The following DRD2 variants were observed in gnomAD, a reference collection of about 807,000 sequenced individuals.
DRD2 encodes D(2) dopamine receptor.
A neutral mutation model predicts 38.0 loss-of-function variants in DRD2; 8 were observed. That is an observed-to-expected ratio of 0.21 (90% CI 0.12 to 0.38). The LOEUF (loss-of-function observed/expected upper bound fraction) is 0.38, where lower values mean the gene tolerates loss of function less well. Among genes scored for constraint, DRD2 ranks in the 10% least tolerant of loss-of-function variants. The probability of loss-of-function intolerance (pLI) is 1.00; values close to 1 mark genes in which losing one functional copy is unlikely to be tolerated. For missense variants in DRD2, 403 were observed against 607.7 expected (o/e 0.66, Z 3.54); for synonymous variants, 230 against 238.6 (o/e 0.96, Z 0.33).
In DRD2 at chr11:113,412,941, C is replaced by T. The variant is rs187498969; in HGVS notation, c.811-58G>A. 1.3e-4 allele frequency: 198 copies of T among 1,539,572 alleles called. 1 individual carries two copies. The highest frequency in any genetic ancestry group is 1.7e-4 in the Non-Finnish European group (190 of 1,141,272). On this transcript the variant is annotated intron_variant, in intron 6 of 7. Transcript: ENST00000362072. ...CGGACAAGTTCCCAGGCATCAGCCA[C>T]CCATCTCACTGGCCCCTCCCTTTCC... is the stretch of plus-strand genomic sequence containing the variant.
At chr11:113,417,244 T>C (rs1452399890) in intron 3 of DRD2, among the ~76,000 whole-genome samples, 1 of 152,220 alleles carries the variant, frequency 6.6e-6, no homozygotes, top group South Asian at 2.1e-4. Flanking sequence ...ATATCTATTA[T>C]TCTAACCGGC....
At position 113,412,825 on chromosome 11, in the gene DRD2, G is replaced by C. The variant is rs201131985; in HGVS notation, c.869C>G (p.Pro290Arg). Residue 290 changes from proline (P) to arginine (R), a missense_variant, in exon 7 of 8, where the codon CCC becomes CGC. Pro to Arg is a moderately radical substitution (Grantham distance 103). Transcript: ENST00000362072. The part of the protein sequence containing the change: ...EMEMLSSTSP[P>R]ERTRYSPIPP... ...GATGGGGCTGTACCGGGTCCTCTCG[G>C]GTGGGCTGGTGCTGGAGAGCATCTC... 1.9e-6 allele frequency: 3 copies of C among 1,613,278 alleles called. No homozygotes were observed. Among genetic ancestry groups the C allele is most frequent in the East Asian group, 2.2e-5 (1 of 44,848 alleles).
chr11:113,470,333 A>T (rs1283100448), intron 1 of DRD2, among the ~76,000 whole-genome samples: 1 of 152,216 alleles, frequency 6.6e-6, no homozygotes, highest in Non-Finnish European at 1.5e-5. Context: ...GCTCCCAGAC[A>T]TCTGCAGGGG....
intron 6 of DRD2, among the ~76,000 whole-genome samples, chr11:113,413,689 C>T (rs1031862391): frequency 2.6e-5 from 4 of 152,326 alleles, no homozygotes; most frequent in African/African-American, 7.2e-5. Flanking sequence ...ATTTTGTATG[C>T]GGCCCTCTGT....
At chr11:113,472,172 T>C (rs1338256981) in intron 1 of DRD2, among the ~76,000 whole-genome samples, 1 of 152,234 alleles carries the variant, frequency 6.6e-6, no homozygotes, top group Non-Finnish European at 1.5e-5. Context: ...TGCACGTGTA[T>C]GCAAACACAC....
In DRD2 at chr11:113,424,683, C is replaced by T. The variant is rs780447114; in HGVS notation, c.-31-1G>A. On this transcript the variant is annotated splice_acceptor_variant, in intron 1 of 7. Transcript: ENST00000362072. LOFTEE classifies it low-confidence loss of function (5UTR_SPLICE). Reference sequence around the variant, plus strand: ...GGTGGAGCCACTGGGTGGCCAGGCTCTGGCCAGGAAAAATGGACACAAGGT... The same window carrying T: ...GGTGGAGCCACTGGGTGGCCAGGCTTTGGCCAGGAAAAATGGACACAAGGT... The T allele has an allele frequency of 1.1e-5, 17 of 1,613,256 alleles. No homozygotes were observed. The highest frequency in any genetic ancestry group is 1.3e-5 in the African/African-American group (1 of 74,920).
chr11:113,461,535 G>C (rs1006018604), intron 1 of DRD2, among the ~76,000 whole-genome samples: 1 of 152,186 alleles, frequency 6.6e-6, no homozygotes, highest in Admixed American at 6.5e-5. Flanking sequence ...TGGTGGAGAT[G>C]AGGGATCCCC....
At chr11:113,429,287 C>G (rs143096974) in intron 1 of DRD2, among the ~76,000 whole-genome samples, 1 of 151,996 alleles carries the variant, frequency 6.6e-6, no homozygotes, top group African/African-American at 2.4e-5. Flanking sequence ...CTCTGTCACC[C>G]GGGCTGGAGT....
intron 5 of DRD2, 45 bp downstream of exon 5, chr11:113,415,376 G>A: frequency 1.9e-6 from 3 of 1,577,418 alleles, no homozygotes; most frequent in Non-Finnish European, 2.6e-6. Flanking sequence ...TCTTGGTAAT[G>A]GTTAGGTGGG....
intron 7 of DRD2, 43 bp downstream of exon 7, chr11:113,412,513 C>G: frequency 6.2e-7 from 1 of 1,604,884 alleles, no homozygotes; most frequent in Non-Finnish European, 8.5e-7. Context: ...GGAATGGGAC[C>G]TTTCACAGAC....
chr11:113,419,235 T>C (rs1340251387), intron 2 of DRD2, among the ~76,000 whole-genome samples: 1 of 152,126 alleles, frequency 6.6e-6, no homozygotes, highest in Non-Finnish European at 1.5e-5. Context: ...ATGGTGAAGA[T>C]GAAGACTCGC....
chr11:113,457,353 A>T (rs1951277116), intron 1 of DRD2, among the ~76,000 whole-genome samples: 1 of 152,136 alleles, frequency 6.6e-6, no homozygotes, highest in South Asian at 2.1e-4. Flanking sequence ...AGAAGGGGAG[A>T]TCTCAGCAAT....
chr11:113,442,789 C>T lies in DRD2; in HGVS notation c.-31-18107G>A, dbSNP rs75994371. 5.2e-4 allele frequency among the ~76,000 whole-genome samples: 79 copies of T among 152,270 alleles called. 2 individuals are homozygous for T. In the East Asian group the frequency reaches 0.015, roughly 29 times the overall value. On this transcript the variant is annotated intron_variant, in intron 1 of 7. Transcript: ENST00000362072. Reference sequence around the variant, plus strand: ...TGTCACAGATTGAAACAAAACATTCCATCTTCCTGGCATGAGGCAAATCGA... The same window carrying T: ...TGTCACAGATTGAAACAAAACATTCTATCTTCCTGGCATGAGGCAAATCGA...
At position 113,412,966 on chromosome 11, in the gene DRD2, C is replaced by A. The variant is rs1076560; in HGVS notation, c.811-83G>T. 0.17 allele frequency: 253,763 copies of A among 1,458,296 alleles called. 25,456 individuals are homozygous for A. The highest frequency in any genetic ancestry group is 0.4 in the East Asian group (16,049 of 40,552). 90.3% of individuals were successfully genotyped at this position (1,458,296 alleles called of 1,614,324 possible). A position where few individuals can be genotyped will look rare whatever the true frequency, so the allele number is the denominator to read the frequency against. On this transcript the variant is annotated intron_variant, in intron 6 of 7. Transcript: ENST00000362072. Reference sequence around the variant, plus strand: ...CCCATCTCACTGGCCCCTCCCTTTCCCCCTCTGAAGACTCCTGCAAACACC... The same window carrying A: ...CCCATCTCACTGGCCCCTCCCTTTCACCCTCTGAAGACTCCTGCAAACACC...
At position 113,434,130 on chromosome 11, in the gene DRD2, T is replaced by A. The variant is rs186543290; in HGVS notation, c.-31-9448A>T. ...TCCAGCTCAGAGCCCGTCTTCTCACTTAATGCTTTCACAACACGTGTGCTC... is the reference window on the plus strand; with the variant it reads ...TCCAGCTCAGAGCCCGTCTTCTCACATAATGCTTTCACAACACGTGTGCTC... On this transcript the variant is annotated intron_variant, in intron 1 of 7. Transcript: ENST00000362072. 2.0e-5 allele frequency among the ~76,000 whole-genome samples: 3 copies of A among 152,332 alleles called. No individual in the cohort carries two copies. In the East Asian group the frequency reaches 5.8e-4, roughly 29 times the overall value.
At chr11:113,427,698 GA>G (rs1258520445) in intron 1 of DRD2, among the ~76,000 whole-genome samples, 2 of 152,118 alleles carry the variant, frequency 1.3e-5, no homozygotes, top group Non-Finnish European at 2.9e-5. Context: ...AACAAGTGAT[GA>G]AAAAGTAAGG....
intron 1 of DRD2, among the ~76,000 whole-genome samples, chr11:113,432,707 G>A (rs983076051): frequency 6.6e-6 from 1 of 152,016 alleles, no homozygotes; most frequent in African/African-American, 2.4e-5. Context: ...GAGTGAGTGG[G>A]TAAGAGGTTC....
At chr11:113,445,119 A>G (rs1293792011) in intron 1 of DRD2, among the ~76,000 whole-genome samples, 1 of 152,224 alleles carries the variant, frequency 6.6e-6, no homozygotes, top group Non-Finnish European at 1.5e-5. Context: ...CACTCTTCAA[A>G]AATCTCAAGG....
intron 1 of DRD2, among the ~76,000 whole-genome samples, chr11:113,455,071 G>A (rs546331252): frequency 1.2e-4 from 18 of 152,246 alleles, no homozygotes; most frequent in East Asian, 3.9e-4. Context: ...GATCTGGGCC[G>A]GGCACGGTGG....
Sources: gnomAD v4.1 joint callset for allele counts (sites outside exome capture counted in the v4.1 genomes callset) on GRCh38, gnomAD v4.1.1 for gene constraint, MANE v1.5 for transcripts, NCBI Gene and HGNC (gene_info 2026-07-23, HGNC 2026-07-21) for gene names.